Variants in SLC28A2 observed in about 807,000 individuals in gnomAD.
The protein encoded by SLC28A2 is sodium/nucleoside cotransporter 2.
In SLC28A2, 69 loss-of-function variants were observed where a neutral mutation model predicts 72.9. The observed-to-expected ratio is 0.95, with a 90% CI of 0.78 to 1.16. SLC28A2 has a LOEUF of 1.16. Ranked by LOEUF, SLC28A2 falls within the 50% of genes most tolerant of loss-of-function variation. The pLI is 0.00. For missense variants in SLC28A2, 745 were observed against 791.1 expected, an observed-to-expected ratio of 0.94 and a Z score of 0.70; for synonymous variants, 296 against 294.1, an observed-to-expected ratio of 1.01 and a Z score of -0.07.
intron 3 of SLC28A2, among the ~76,000 whole-genome samples, chr15:45,261,809 G>T (rs1229118053): frequency 6.6e-6 from 1 of 152,180 alleles, no homozygotes; most frequent in Non-Finnish European, 1.5e-5. Flanking sequence ...GCTGAGTAGG[G>T]TATTCTGACC....
Position 45,276,222 on chromosome 15 carries a change from T to A in SLC28A2, c.*709T>A, listed in dbSNP as rs960636547. On this transcript the variant is annotated 3_prime_UTR_variant, in exon 18 of 18. Transcript: ENST00000347644. ...GGAAATCATCATTCTCAGTAAACTA[T>A]CGCAAGGACAAAAAACCAAACACCA... 1 of 151,914 alleles carries A rather than the reference T, an allele frequency of 6.6e-6. No individual in the cohort carries two copies. Among genetic ancestry groups the A allele is most frequent in the Non-Finnish European group, 1.5e-5 (1 of 68,028 alleles). The allele number at this position is 151,914 out of a possible 1,614,324, so 9.4% of individuals were successfully genotyped here.
rs776699334 is a variant in SLC28A2 at position 45,272,348 on chromosome 15, C to G, written c.1702C>G (p.Leu568Val). The part of the protein sequence containing the change: ...SDLSKVVVRA[L>V]FTGACVSLIS... ...CTTGTCCAAGGTTGTGGTCAGGGCCCTCTTCACAGGGGCCTGTGTATCCCT... is the reference window on the plus strand; with the variant it reads ...CTTGTCCAAGGTTGTGGTCAGGGCCGTCTTCACAGGGGCCTGTGTATCCCT... The change falls in exon 16 of 18, where the codon CTC becomes GTC. Residue 568 changes from leucine (L) to valine (V), a missense_variant. Physicochemically the swap from Leu to Val is conservative, Grantham distance 32. Coordinates refer to ENST00000347644, the MANE Select transcript of SLC28A2 (RefSeq NM_004212.4). 6.2e-7 allele frequency: 1 copy of G among 1,613,906 alleles called. No homozygotes were observed. Among genetic ancestry groups the G allele is most frequent in the East Asian group, 2.2e-5 (1 of 44,884 alleles).
chr15:45,271,961 C>A (rs978604515), intron 15 of SLC28A2: 2 of 242,412 alleles, frequency 8.3e-6, no homozygotes, highest in Non-Finnish European at 1.6e-5. Context: ...GAGTGCGTAT[C>A]TCAAGCAGTG....
Position 45,272,314 on chromosome 15 carries a change from G to T in SLC28A2, c.1668G>T (p.Arg556=). The change falls in exon 16 of 18, where the codon CGG becomes CGT. Residue 556 remains arginine (R), a synonymous_variant. Coordinates refer to ENST00000347644, the MANE Select transcript of SLC28A2 (RefSeq NM_004212.4). ...LGGLTSIVPH[R]KSDLSKVVVR... is the part of the protein sequence containing the mutation. The stretch of plus-strand genomic sequence containing the variant: ...CTGCAGCATCAATAGTACCTCACCG[G>T]AAGAGTGACTTGTCCAAGGTTGTGG... 1 of 1,613,818 alleles carries T rather than the reference G, an allele frequency of 6.2e-7. No individual in the cohort carries two copies. The highest frequency in any genetic ancestry group is 2.2e-5 in the East Asian group (1 of 44,882).
At chr15:45,261,410 G>T (rs1182296197) in intron 3 of SLC28A2, among the ~76,000 whole-genome samples, 1 of 152,230 alleles carries the variant, frequency 6.6e-6, no homozygotes, top group African/African-American at 2.4e-5. Context: ...GGGGTCTTAA[G>T]AGGAGTCAAT....
Position 45,276,181 on chromosome 15 carries a change from G to C in SLC28A2, c.*668G>C, listed in dbSNP as rs1175275955. On this transcript the variant is annotated 3_prime_UTR_variant, in exon 18 of 18. Transcript: ENST00000347644. ...AATGATGAGCTCATGTCCTTTGCAG[G>C]GACATGGATGAAATTGGAAATCATC... The C allele has an allele frequency of 2.0e-5, 3 of 152,026 alleles. No individual in the cohort carries two copies. The highest frequency in any genetic ancestry group is 4.4e-5 in the Non-Finnish European group (3 of 68,022). 9.4% of individuals were successfully genotyped at this position (152,026 alleles called of 1,614,324 possible).
intron 15 of SLC28A2, chr15:45,271,762 C>T (rs1173732528): frequency 6.6e-6 from 1 of 152,108 alleles, no homozygotes; most frequent in Non-Finnish European, 1.5e-5. Context: ...TTTCAGTTTA[C>T]CTTTTCCCCT....
chr15:45,261,872 C>T (rs1402556643), intron 3 of SLC28A2, 143 bp from the exon 4 acceptor site: 5 of 684,930 alleles, frequency 7.3e-6, no homozygotes, highest in South Asian at 6.8e-5. Flanking sequence ...CAGGACACTA[C>T]CTAACTTCCT....
chr15:45,257,113 T>A (rs534538897), intron 3 of SLC28A2, among the ~76,000 whole-genome samples: 1 of 152,384 alleles, frequency 6.6e-6, no homozygotes, highest in East Asian at 1.9e-4. Context: ...ATGTCATGCA[T>A]GTCATTACAT....
Position 45,268,230 on chromosome 15 carries a change from AAGCTGCCAGCAACGG to A in SLC28A2, c.1224_1238del (p.Ala409_Ala413del). 1.2e-6 allele frequency: 2 copies of A among 1,606,412 alleles called. No homozygotes were observed. The highest frequency in any genetic ancestry group is 1.7e-6 in the Non-Finnish European group (2 of 1,173,534). On this transcript the variant is annotated inframe_deletion, in exon 13 of 18. Transcript: ENST00000347644. Reference sequence around the variant, plus strand: ...CACAGGAAGGAGAGGAATGTCCTGGAAGCTGCCAGCAACGGAGCCGTAGATGCCATAGGCCTTGCT... The same window carrying A: ...CACAGGAAGGAGAGGAATGTCCTGGAAGCCGTAGATGCCATAGGCCTTGCT...
At chr15:45,254,516 T>C (rs1435318403) in intron 3 of SLC28A2, among the ~76,000 whole-genome samples, 1 of 152,180 alleles carries the variant, frequency 6.6e-6, no homozygotes, top group Non-Finnish European at 1.5e-5. Flanking sequence ...CTAAGAATAA[T>C]AGGATCCACC....
intron 8 of SLC28A2, 51 bp from the exon 9 acceptor site, chr15:45,265,530 AAC>A: frequency 7.8e-7 from 1 of 1,282,880 alleles, no homozygotes; most frequent in Admixed American, 1.7e-5. Flanking sequence ...AGAAGCCTAA[AAC>A]ACAGAGTATG....
At position 45,264,418 on chromosome 15, in the gene SLC28A2, G is replaced by A. The variant is rs140616138; in HGVS notation, c.589-237G>A. Among the ~76,000 whole-genome samples, 3 of 152,312 alleles carry A rather than the reference G, an allele frequency of 2.0e-5. No homozygotes were observed. The East Asian group carries it at 5.8e-4, about 29-fold the overall frequency. On this transcript the variant is annotated intron_variant, in intron 6 of 17. Coordinates refer to ENST00000347644, the MANE Select transcript of SLC28A2 (RefSeq NM_004212.4). ...TTTGTATGTATGCATGCATATATGT[G>A]TGTATAAGTGTCATCTAACCTCTAG...
chr15:45,265,589 C>A lies in SLC28A2; in HGVS notation c.787C>A (p.Pro263Thr), dbSNP rs1271110993. 10 of 1,611,732 alleles carry A rather than the reference C, an allele frequency of 6.2e-6. No homozygotes were observed. In the South Asian group the frequency reaches 8.8e-5, roughly 14 times the overall value. Residue 263 changes from proline to threonine, a missense_variant, in exon 9 of 18, where the codon CCA becomes ACA. By Grantham distance (38) the Pro-to-Thr change is conservative. Coordinates refer to ENST00000347644, the MANE Select transcript of SLC28A2 (RefSeq NM_004212.4). Reference sequence around the variant, plus strand: ...GCTACCATTCTCATTACAGGCCTTACCAATCATCATTTTCTTTGGATGTGT... The same window carrying A: ...GCTACCATTCTCATTACAGGCCTTAACAATCATCATTTTCTTTGGATGTGT... ...VKDVFAFQAL[P>T]IIIFFGCVVS... is the part of the protein sequence containing the mutation.
chr15:45,274,788 C>T (rs576788450), intron 17 of SLC28A2, among the ~76,000 whole-genome samples: 3 of 151,756 alleles, frequency 2.0e-5, no homozygotes, highest in East Asian at 1.9e-4. Context: ...TCTGTTGCCC[C>T]GGCTGGGGTG....
At chr15:45,258,965 G>A (rs1002259401) in intron 3 of SLC28A2, among the ~76,000 whole-genome samples, 2 of 152,142 alleles carry the variant, frequency 1.3e-5, no homozygotes, top group African/African-American at 4.8e-5. Flanking sequence ...TGTTATGAGA[G>A]CATGTCTTTT....
chr15:45,265,696 G>C, intron 9 of SLC28A2, 33 bp downstream of exon 9: 1 of 1,403,920 alleles, frequency 7.1e-7, no homozygotes, highest in Non-Finnish European at 1.0e-6. Flanking sequence ...TCAGGAGACA[G>C]GCCTTCATCC....
At position 45,269,486 on chromosome 15, in the gene SLC28A2, G is replaced by T. The variant is rs1366623105; in HGVS notation, c.1517G>T (p.Arg506Leu). ...CAACTGTCTCAATACAAGAACAAAC[G>T]TCTCTCTGGAATGGAGGAGTGGATT... ...YQQLSQYKNKRLSGMEEWIEG... is the reference protein window; with the variant it reads ...YQQLSQYKNKLLSGMEEWIEG... Residue 506 changes from arginine (R) to leucine (L), a missense_variant, in exon 14 of 18, where the codon CGT (arginine) becomes CTT (leucine). Coordinates refer to ENST00000347644, the MANE Select transcript of SLC28A2 (RefSeq NM_004212.4). 1 of 1,614,142 alleles carries T rather than the reference G, an allele frequency of 6.2e-7. No homozygotes were observed. The highest frequency in any genetic ancestry group is 8.5e-7 in the Non-Finnish European group (1 of 1,179,996).
In SLC28A2 at chr15:45,264,757, G is replaced by C. The variant is rs1448595097; in HGVS notation, c.691G>C (p.Glu231Gln). The change falls in exon 7 of 18, where the codon GAG becomes CAG. Residue 231 changes from glutamate to glutamine, a missense_variant. Glu to Gln is a conservative substitution (Grantham distance 29). Coordinates refer to ENST00000347644, the MANE Select transcript of SLC28A2 (RefSeq NM_004212.4). ...LGYTVFQWLG[E>Q]QVQIFLNYTV... ...ATATACTGTATTTCAGTGGCTGGGA[G>C]AGCAGGTCCAGGTATGAGAAATTAA... is the stretch of plus-strand genomic sequence containing the variant. The C allele has an allele frequency of 1.2e-6, 2 of 1,605,340 alleles. No homozygotes were observed. The highest frequency in any genetic ancestry group is 4.5e-5 in the East Asian group (2 of 44,858).
Sources: allele counts gnomAD v4.1 joint callset (sites outside exome capture counted in the v4.1 genomes callset), GRCh38; gene constraint gnomAD v4.1.1; transcripts MANE v1.5; gene names NCBI Gene and HGNC (gene_info 2026-07-23, HGNC 2026-07-21).